ARHGAP26: variants seen among roughly 807,000 people sequenced by gnomAD.
ARHGAP26 encodes the protein Rho GTPase activating protein 26, also known as rho GTPase-activating protein 26.
A neutral mutation model predicts 104.8 loss-of-function variants in ARHGAP26; 38 were observed. The observed-to-expected ratio is 0.36, with a 90% CI of 0.28 to 0.48. ARHGAP26 has a LOEUF of 0.48. Among genes scored for constraint, ARHGAP26 ranks in the 20% least tolerant of loss-of-function variants. The pLI is 0.99. For missense variants in ARHGAP26, 704 were observed against 947.9 expected (o/e 0.74, Z 3.38); for synonymous variants, 341 against 340.0 (o/e 1.00, Z -0.03).
At chr5:143,218,911 T>C (rs1049835800) in intron 22 of ARHGAP26, among the ~76,000 whole-genome samples, 1 of 152,234 alleles carries the variant, frequency 6.6e-6, no homozygotes, top group East Asian at 1.9e-4. Flanking sequence ...GCTATTAATA[T>C]TTAATTTTGG....
In ARHGAP26 at chr5:143,169,932, A is replaced by G. The variant is rs1802538142; in HGVS notation, c.1988+22551A>G. 3 of 152,186 alleles carry G rather than the reference A, an allele frequency of 2.0e-5. No homozygotes were observed. In the South Asian group the frequency reaches 6.2e-4, roughly 32 times the overall value. 9.4% of individuals were successfully genotyped at this position (152,186 alleles called of 1,614,324 possible). ...TTTCAGTCCAAAGGCTTCTTGCATA[A>G]TTTATTTTATTCCTAGTTGACTGAC... On this transcript the variant is annotated intron_variant, in intron 20 of 22. Coordinates refer to ENST00000645722, the MANE Select transcript of ARHGAP26 (RefSeq NM_001135608.3).
chr5:143,221,945 G>A (rs1184702820), intron 22 of ARHGAP26, among the ~76,000 whole-genome samples: 1 of 152,008 alleles, frequency 6.6e-6, no homozygotes, highest in African/African-American at 2.4e-5. Flanking sequence ...AGGAAGGAAG[G>A]AAGGATGGAA....
At chr5:142,808,396 T>G (rs1390342312) in intron 1 of ARHGAP26, among the ~76,000 whole-genome samples, 1 of 151,896 alleles carries the variant, frequency 6.6e-6, no homozygotes, top group African/African-American at 2.4e-5. Flanking sequence ...AAATTTTGTT[T>G]AGTAGTAATT....
intron 17 of ARHGAP26, among the ~76,000 whole-genome samples, chr5:143,114,051 G>A (rs1456908426): frequency 6.6e-6 from 1 of 152,180 alleles, no homozygotes; most frequent in African/African-American, 2.4e-5. Context: ...AAGTGGTAGT[G>A]ACAGTGGTAC....
chr5:143,101,537 T>A (rs1793235082), intron 17 of ARHGAP26, among the ~76,000 whole-genome samples: 1 of 152,150 alleles, frequency 6.6e-6, no homozygotes, highest in African/African-American at 2.4e-5. Context: ...CATTTCTGAT[T>A]TTTTTCCCTC....
At chr5:143,219,128 AT>A (rs1810799170) in intron 22 of ARHGAP26, among the ~76,000 whole-genome samples, 3 of 152,250 alleles carry the variant, frequency 2.0e-5, no homozygotes, top group Non-Finnish European at 4.4e-5. Context: ...TAGAGGCCTG[AT>A]ACAGTGGGAA....
chr5:143,104,679 C>T (rs375977244), intron 17 of ARHGAP26, among the ~76,000 whole-genome samples: 12 of 152,232 alleles, frequency 7.9e-5, no homozygotes, highest in Admixed American at 5.2e-4. Context: ...TGTCCAATAA[C>T]GGGAGATTTC....
At position 142,976,852 on chromosome 5, in the gene ARHGAP26, G is replaced by A. The variant is rs1430751957; in HGVS notation, c.1108-37228G>A. Among the ~76,000 whole-genome samples the A allele has an allele frequency of 3.9e-5, 6 of 152,164 alleles. No homozygotes were observed. The South Asian group carries it at 1.2e-3, about 32-fold the overall frequency. On this transcript the variant is annotated intron_variant, in intron 11 of 22. Coordinates refer to ENST00000645722, the MANE Select transcript of ARHGAP26 (RefSeq NM_001135608.3). ...TTTCTGTGTTTGCCATCATCCTCAGGTAGGTTCTCCTCATCGTGTCAAAGA... is the reference window on the plus strand; with the variant it reads ...TTTCTGTGTTTGCCATCATCCTCAGATAGGTTCTCCTCATCGTGTCAAAGA...
In ARHGAP26 at chr5:143,188,830, C is replaced by T. The variant is rs80297819; in HGVS notation, c.1989-18368C>T. 2.6e-5 allele frequency among the ~76,000 whole-genome samples: 4 copies of T among 152,176 alleles called. No individual in the cohort carries two copies. In the East Asian group the frequency reaches 7.7e-4, roughly 29 times the overall value. On this transcript the variant is annotated intron_variant, in intron 20 of 22. Coordinates refer to ENST00000645722, the MANE Select transcript of ARHGAP26 (RefSeq NM_001135608.3). The stretch of plus-strand genomic sequence containing the variant: ...CTCAGGTAGTGAAAGTGAGGGTAAC[C>T]TAGAAAAAGGAGGTGTAATAACTGT...
chr5:142,905,538 C>A (rs1760988856), intron 8 of ARHGAP26, among the ~76,000 whole-genome samples: 1 of 152,164 alleles, frequency 6.6e-6, no homozygotes, highest in South Asian at 2.1e-4. Flanking sequence ...TGATATCATT[C>A]CTTCTCTCTC....
In ARHGAP26 at chr5:143,228,351, G is replaced by T. The variant is rs761789569; in HGVS notation, c.*5905G>T. The T allele has an allele frequency of 4.5e-6, 1 of 223,448 alleles. No homozygotes were observed. Among genetic ancestry groups the T allele is most frequent in the African/African-American group, 2.2e-5 (1 of 44,772 alleles). 13.8% of individuals were successfully genotyped at this position (223,448 alleles called of 1,614,324 possible). ...TGAGCCTTTACAGCCTTTAAGACTC[G>T]GAGGTTGAGAATTAGAGACACAAGA... On this transcript the variant is annotated 3_prime_UTR_variant, in exon 23 of 23. Transcript: ENST00000645722.
At position 142,879,384 on chromosome 5, in the gene ARHGAP26, C is replaced by G; in HGVS notation, c.323C>G (p.Ala108Gly). The G allele has an allele frequency of 1.2e-6, 2 of 1,614,046 alleles. No homozygotes were observed. Among genetic ancestry groups the G allele is most frequent in the East Asian group, 2.2e-5 (1 of 44,868 alleles). The change falls in exon 4 of 23, where the codon GCC (alanine) becomes GGC (glycine). Residue 108 changes from alanine (A) to glycine (G), a missense_variant. Transcript: ENST00000645722. ...EDERIRMIEN[A>G]SEVLITPLEK... ...GTTGTTCTTCACCAGATTGAGAATG[C>G]CAGCGAGGTGCTCATCACTCCCTTG...
At chr5:143,061,900 A>C (rs3776333) in intron 17 of ARHGAP26, among the ~76,000 whole-genome samples, 7,928 of 152,248 alleles carry the variant, frequency 0.052, 956 homozygotes, top group East Asian at 0.52. Context: ...CTAGGATGAT[A>C]CTTTTCCCAG....
intron 1 of ARHGAP26, among the ~76,000 whole-genome samples, chr5:142,850,108 C>G (rs1751222228): frequency 6.6e-6 from 1 of 152,206 alleles, no homozygotes; most frequent in African/African-American, 2.4e-5. Context: ...CATTGTGTTC[C>G]CTAGGCCTCT....
intron 1 of ARHGAP26, among the ~76,000 whole-genome samples, chr5:142,872,801 TG>T (rs964141375): frequency 6.6e-6 from 1 of 152,186 alleles, no homozygotes; most frequent in Admixed American, 6.5e-5. Flanking sequence ...GTCAGGCTGG[TG>T]GTCCACTCTG....
chr5:142,996,810 G>T (rs1043817478), intron 11 of ARHGAP26, among the ~76,000 whole-genome samples: 1 of 152,130 alleles, frequency 6.6e-6, no homozygotes, highest in African/African-American at 2.4e-5. Flanking sequence ...CTGCATGGAG[G>T]CATTGTTGCA....
At chr5:143,124,467 A>G (rs1292893614) in intron 18 of ARHGAP26, among the ~76,000 whole-genome samples, 1 of 152,222 alleles carries the variant, frequency 6.6e-6, no homozygotes, top group Non-Finnish European at 1.5e-5. Flanking sequence ...CCCTTGTGGT[A>G]TCAGCTGGGT....
intron 21 of ARHGAP26, among the ~76,000 whole-genome samples, chr5:143,210,772 G>A (rs1809338283): frequency 6.6e-6 from 1 of 152,180 alleles, no homozygotes; most frequent in South Asian, 2.1e-4. Flanking sequence ...GCATTTGAGG[G>A]AAACTCCTGT....
In ARHGAP26 at chr5:143,112,923, G is replaced by T. The variant is rs180782820; in HGVS notation, c.1539-8065G>T. 3.4e-3 allele frequency among the ~76,000 whole-genome samples: 512 copies of T among 152,274 alleles called. 11 individuals carry two copies. The highest frequency in any genetic ancestry group is 0.031 in the Admixed American group (473 of 15,302). Reference sequence around the variant, plus strand: ...GTGAATAATACTACAATAAAAATGGGTGTACAAATACTTCTTTGAGATCCC... The same window carrying T: ...GTGAATAATACTACAATAAAAATGGTTGTACAAATACTTCTTTGAGATCCC... On this transcript the variant is annotated intron_variant, in intron 17 of 22. Transcript: ENST00000645722.
Sources: gnomAD v4.1 joint callset for allele counts (sites outside exome capture counted in the v4.1 genomes callset) on GRCh38, gnomAD v4.1.1 for gene constraint, MANE v1.5 for transcripts, NCBI Gene and HGNC (gene_info 2026-07-23, HGNC 2026-07-21) for gene names.